Variants in TENM4 observed in about 807,000 individuals in gnomAD.
The protein encoded by TENM4 is teneurin-4.
A neutral mutation model predicts 243.3 loss-of-function variants in TENM4; 82 were observed. The ratio of observed to expected loss-of-function variants is 0.34; its 90% CI spans 0.28 to 0.40. TENM4 has a LOEUF of 0.40. Ranked by LOEUF, TENM4 falls within the 10% of genes least tolerant of loss-of-function variation. The pLI, the probability that TENM4 is intolerant of heterozygous loss-of-function variation, is 1.00. For synonymous variants in TENM4, 1,412 were observed against 1,456.3 expected (o/e 0.97, Z 0.69); for missense variants, 3,138 against 3,673.3 (o/e 0.85, Z 3.77).
At chr11:79,375,217 A>AG (rs1857868293) in intron 1 of TENM4, among the ~76,000 whole-genome samples, 1 of 152,234 alleles carries the variant, frequency 6.6e-6, no homozygotes, top group Non-Finnish European at 1.5e-5. Flanking sequence ...GCTGCATTTG[A>AG]GGAAGGACCA....
At chr11:79,112,337 G>A (rs577281695) in intron 4 of TENM4, among the ~76,000 whole-genome samples, 1 of 152,168 alleles carries the variant, frequency 6.6e-6, no homozygotes, top group Non-Finnish European at 1.5e-5. Context: ...GGCATGGTTG[G>A]GGGCACAGAG....
At chr11:78,904,126 C>T (rs962078297) in intron 6 of TENM4, among the ~76,000 whole-genome samples, 1 of 151,800 alleles carries the variant, frequency 6.6e-6, no homozygotes, top group African/African-American at 2.4e-5. Context: ...TTTGGGAGGC[C>T]GAGGTGGGCG....
intron 5 of TENM4, among the ~76,000 whole-genome samples, chr11:79,066,710 A>G (rs1860263969): frequency 6.9e-6 from 1 of 144,124 alleles, no homozygotes; most frequent in Non-Finnish European, 1.5e-5. Context: ...ACACACACGC[A>G]TGCACACTCG....
intron 17 of TENM4, among the ~76,000 whole-genome samples, chr11:78,774,914 C>A (rs1856711110): frequency 6.6e-6 from 1 of 152,192 alleles, no homozygotes; most frequent in Non-Finnish European, 1.5e-5. Flanking sequence ...ATTTTACATT[C>A]TCTTTATTTA....
intron 1 of TENM4, among the ~76,000 whole-genome samples, chr11:79,417,183 G>C (rs896519058): frequency 6.6e-6 from 1 of 152,210 alleles, no homozygotes; most frequent in African/African-American, 2.4e-5. Context: ...AAAGGCAGGT[G>C]TGTTTCATGC....
At chr11:78,852,445 G>A (rs1237649626) in intron 12 of TENM4, among the ~76,000 whole-genome samples, 1 of 152,132 alleles carries the variant, frequency 6.6e-6, no homozygotes, top group Non-Finnish European at 1.5e-5. Context: ...AGCATTTGGG[G>A]AAGTCAAAGT....
rs185888609 is a variant in TENM4, at chr11:79,011,222, G to A, written c.493+53516C>T. On this transcript the variant is annotated intron_variant, in intron 6 of 33. Transcript: ENST00000278550. ...GCCCCACCCTCCCAAGAGGGTGCTC[G>A]CTCAGCTTTCTGCTTGCTCCCTTAT... 2.2e-4 allele frequency among the ~76,000 whole-genome samples: 34 copies of A among 152,296 alleles called. No individual in the cohort carries two copies. In the East Asian group the frequency reaches 5.2e-3, roughly 23 times the overall value.
At chr11:79,070,087 T>G in intron 4 of TENM4, 78 bp from the exon 5 acceptor site, 1 of 1,435,910 alleles carries the variant, frequency 7.0e-7, no homozygotes, top group South Asian at 1.5e-5. Flanking sequence ...GGATTCACCC[T>G]TGCAGCCCTG....
At chr11:79,222,808 G>A (rs776369812) in intron 2 of TENM4, among the ~76,000 whole-genome samples, 60 of 152,148 alleles carry the variant, frequency 3.9e-4, no homozygotes, top group Non-Finnish European at 7.3e-4. Flanking sequence ...TCTTCTTCTA[G>A]AAGTGTCTGT....
chr11:78,852,945 G>T (rs1490295538), intron 12 of TENM4, among the ~76,000 whole-genome samples: 2 of 152,062 alleles, frequency 1.3e-5, no homozygotes, highest in African/African-American at 4.8e-5. Flanking sequence ...TAGAAAGGAG[G>T]ATCTTGCTAT....
intron 6 of TENM4, among the ~76,000 whole-genome samples, chr11:78,907,269 A>G (rs1449171096): frequency 8.0e-6 from 1 of 124,228 alleles, no homozygotes; most frequent in Non-Finnish European, 1.7e-5. Context: ...TTTTGCTCCT[A>G]TGGCCAGGAG....
chr11:79,091,342 T>G (rs1354160513), intron 4 of TENM4, among the ~76,000 whole-genome samples: 1 of 152,170 alleles, frequency 6.6e-6, no homozygotes, highest in Non-Finnish European at 1.5e-5. Flanking sequence ...AATGGCTAAT[T>G]TATTCCTTTT....
intron 26 of TENM4, 127 bp from the exon 27 acceptor site, chr11:78,708,642 C>T: frequency 9.0e-7 from 1 of 1,113,938 alleles, no homozygotes; most frequent in Middle Eastern, 2.5e-4. Context: ...CCACAACCTT[C>T]ATTCCTCTCT....
chr11:79,037,109 C>T lies in TENM4; in HGVS notation c.493+27629G>A, dbSNP rs577156720. ...AGGACATCTGGGGTGAGGATGAGGG[C>T]AGGTAGGAAAGGGGCGATTGTATTA... On this transcript the variant is annotated intron_variant, in intron 6 of 33. Coordinates refer to ENST00000278550, the MANE Select transcript of TENM4 (RefSeq NM_001098816.3). 2.0e-5 allele frequency among the ~76,000 whole-genome samples: 3 copies of T among 151,226 alleles called. No individual in the cohort carries two copies. The East Asian group carries it at 5.9e-4, about 30-fold the overall frequency.
At chr11:79,139,637 T>TATATATTTTATATAAGTATATAAAATAC (rs1465671488) in intron 4 of TENM4, among the ~76,000 whole-genome samples, 2 of 103,152 alleles carry the variant, frequency 1.9e-5, no homozygotes, top group African/African-American at 8.5e-5. Flanking sequence ...ATATAAAATA[T>TATATATTTTATATAAGTATATAAAATAC]ATATTATATT....
At chr11:78,988,071 C>G (rs914428906) in intron 6 of TENM4, among the ~76,000 whole-genome samples, 1 of 152,156 alleles carries the variant, frequency 6.6e-6, no homozygotes, top group Admixed American at 6.5e-5. Flanking sequence ...CCTGTGATAC[C>G]AATAGGATAT....
intron 7 of TENM4, among the ~76,000 whole-genome samples, chr11:78,902,185 G>T (rs1371364765): frequency 6.6e-6 from 1 of 152,210 alleles, no homozygotes; most frequent in Non-Finnish European, 1.5e-5. Context: ...ACAGTTTAGA[G>T]AAAGGGAAAG....
chr11:79,214,880 C>A (rs1429352380), intron 3 of TENM4, among the ~76,000 whole-genome samples: 1 of 152,240 alleles, frequency 6.6e-6, no homozygotes, highest in Non-Finnish European at 1.5e-5. Context: ...TAGAGCAAAG[C>A]TTTCTACCAA....
At chr11:79,012,499 A>G (rs660792) in intron 6 of TENM4, among the ~76,000 whole-genome samples, 105,623 of 152,078 alleles carry the variant, frequency 0.69, 38,171 homozygotes, top group African/African-American at 0.91. Context: ...CTTGTTTCCA[A>G]AGGAGAAAAT....
Sources: allele counts gnomAD v4.1 joint callset (sites outside exome capture counted in the v4.1 genomes callset), GRCh38; gene constraint gnomAD v4.1.1; transcripts MANE v1.5; gene names NCBI Gene and HGNC (gene_info 2026-07-23, HGNC 2026-07-21).